ANKFN1: variants seen among roughly 807,000 people sequenced by gnomAD.
ANKFN1 encodes ankyrin repeat and fibronectin type III domain containing 1.
A neutral mutation model predicts 108.7 loss-of-function variants in ANKFN1; 74 were observed. The ratio of observed to expected loss-of-function variants is 0.68; its 90% CI spans 0.56 to 0.83. The LOEUF is 0.83. Ranked by LOEUF, ANKFN1 falls within the 40% of genes least tolerant of loss-of-function variation. The pLI, the probability that ANKFN1 is intolerant of heterozygous loss-of-function variation, is 0.00. For synonymous variants in ANKFN1, 547 were observed against 516.2 expected (o/e 1.06, Z -0.81); for missense variants, 1,505 against 1,382.3 (o/e 1.09, Z -1.41).
intron 4 of ANKFN1, among the ~76,000 whole-genome samples, chr17:56,068,827 C>G (rs572652496): frequency 1.3e-5 from 2 of 152,250 alleles, no homozygotes; most frequent in Admixed American, 1.3e-4. Flanking sequence ...TGGCAAAATA[C>G]CTGGTAGAGA....
intron 8 of ANKFN1, among the ~76,000 whole-genome samples, chr17:56,428,420 T>C (rs997348856): frequency 3.3e-5 from 5 of 151,878 alleles, no homozygotes; most frequent in Admixed American, 2.6e-4. Context: ...ATATGCTATA[T>C]CTTAAAAGTT....
intron 3 of ANKFN1, among the ~76,000 whole-genome samples, chr17:56,280,393 C>A (rs1281013959): frequency 6.6e-6 from 1 of 152,104 alleles, no homozygotes; most frequent in South Asian, 2.1e-4. Flanking sequence ...TATTCTCCTG[C>A]CTTCTAACAT....
intron 1 of ANKFN1, among the ~76,000 whole-genome samples, chr17:56,203,788 C>G (rs980523727): frequency 2.6e-5 from 4 of 152,126 alleles, no homozygotes; most frequent in Admixed American, 2.6e-4. Flanking sequence ...ATGTAAGTAA[C>G]TATTATGAGG....
intron 1 of ANKFN1, among the ~76,000 whole-genome samples, chr17:56,176,743 T>C (rs1339065604): frequency 1.3e-5 from 2 of 151,752 alleles, no homozygotes; most frequent in East Asian, 3.9e-4. Context: ...GAGGAGAGAG[T>C]AGATAATATG....
chr17:56,382,204 G>C (rs912527803), intron 8 of ANKFN1, among the ~76,000 whole-genome samples: 6 of 152,226 alleles, frequency 3.9e-5, no homozygotes, highest in East Asian at 3.9e-4. Flanking sequence ...GAATTTTCAA[G>C]CCAGAATTTC....
intron 8 of ANKFN1, among the ~76,000 whole-genome samples, chr17:56,415,709 A>C (rs1383282370): frequency 6.6e-6 from 1 of 152,182 alleles, no homozygotes; most frequent in Non-Finnish European, 1.5e-5. Context: ...AAATAGAAAA[A>C]AAATTCTAAA....
At chr17:56,236,492 T>C (rs1917163122) in intron 3 of ANKFN1, among the ~76,000 whole-genome samples, 1 of 152,214 alleles carries the variant, frequency 6.6e-6, no homozygotes, top group Non-Finnish European at 1.5e-5. Context: ...AATCTTGGCT[T>C]GTCTGTTGTT....
At chr17:56,086,820 A>C (rs1295150329) in intron 4 of ANKFN1, among the ~76,000 whole-genome samples, 3 of 151,434 alleles carry the variant, frequency 2.0e-5, no homozygotes, top group Non-Finnish European at 4.4e-5. Flanking sequence ...TACTCCTGAA[A>C]AATGATTAAT....
chr17:56,504,420 A>G (rs2051484025), intron 20 of ANKFN1, among the ~76,000 whole-genome samples: 1 of 152,150 alleles, frequency 6.6e-6, no homozygotes, highest in Non-Finnish European at 1.5e-5. Context: ...GAAATCAGTT[A>G]TATCACTCAC....
At chr17:56,208,636 T>C (rs1016993924) in intron 1 of ANKFN1, among the ~76,000 whole-genome samples, 8 of 152,202 alleles carry the variant, frequency 5.3e-5, no homozygotes, top group Admixed American at 1.3e-4. Flanking sequence ...CTGTGTCATC[T>C]TGGCACTAGT....
At chr17:56,072,850 T>C (rs1013160807) in intron 4 of ANKFN1, among the ~76,000 whole-genome samples, 1 of 152,154 alleles carries the variant, frequency 6.6e-6, no homozygotes, top group Non-Finnish European at 1.5e-5. Flanking sequence ...AAGGAATATG[T>C]GCAGTGGACA....
chr17:56,336,057 G>A (rs1426743390), intron 4 of ANKFN1, among the ~76,000 whole-genome samples: 2 of 152,142 alleles, frequency 1.3e-5, no homozygotes, highest in African/African-American at 2.4e-5. Context: ...GCATCCCAGG[G>A]ATGAAGCCAA....
At chr17:56,323,438 A>T (rs1263668899) in intron 3 of ANKFN1, 1 of 152,652 alleles carries the variant, frequency 6.6e-6, no homozygotes, top group Non-Finnish European at 1.5e-5. Flanking sequence ...GCTTATGCTA[A>T]GAGTTATAGA....
chr17:56,477,351 C>T (rs2050535957), intron 15 of ANKFN1, 137 bp from the exon 16 acceptor site: 1 of 768,490 alleles, frequency 1.3e-6, no homozygotes. Flanking sequence ...TCATGGTATA[C>T]CTGAGGTTTC....
At chr17:56,329,949 C>T (rs969129966) in intron 4 of ANKFN1, among the ~76,000 whole-genome samples, 1 of 152,182 alleles carries the variant, frequency 6.6e-6, no homozygotes, top group African/African-American at 2.4e-5. Flanking sequence ...TCACCAGGCA[C>T]CAAATCTACT....
At chr17:56,149,996 A>G (rs894442840), upstream of ANKFN1, among the ~76,000 whole-genome samples, 1 of 152,150 alleles carries the variant, frequency 6.6e-6, no homozygotes, top group Non-Finnish European at 1.5e-5. Context: ...CTTTTCTATC[A>G]GTTCACTGGA....
At chr17:56,368,389 C>T (rs2046720977) in intron 6 of ANKFN1, among the ~76,000 whole-genome samples, 1 of 147,140 alleles carries the variant, frequency 6.8e-6, no homozygotes, top group African/African-American at 2.5e-5. Flanking sequence ...AAGCAATTCT[C>T]CTGCCTCAGC....
At chr17:56,428,370 GATTT>G (rs72150775) in intron 8 of ANKFN1, among the ~76,000 whole-genome samples, 94,252 of 151,290 alleles carry the variant, frequency 0.62, 30,891 homozygotes, top group East Asian at 0.96. Context: ...ATTGTTTCAG[GATTT>G]ATTTTTTTTA....
At chr17:56,104,749 A>G (rs897483168) in intron 4 of ANKFN1, among the ~76,000 whole-genome samples, 1 of 152,164 alleles carries the variant, frequency 6.6e-6, no homozygotes, top group African/African-American at 2.4e-5. Flanking sequence ...CCTGGTATTA[A>G]TTGTTTGAGT....
Sources: allele counts gnomAD v4.1 joint callset (sites outside exome capture counted in the v4.1 genomes callset), GRCh38; gene constraint gnomAD v4.1.1; transcripts MANE v1.5; gene names NCBI Gene and HGNC (gene_info 2026-07-23, HGNC 2026-07-21).